The following GALNT17 variants were observed in gnomAD, a reference collection of about 807,000 sequenced individuals.
The protein encoded by GALNT17 is UDP-GalNAc:polypeptide N-acetylgalactosaminyltransferase-like 3.
In GALNT17, 29 loss-of-function variants were observed where a neutral mutation model predicts 63.7. The observed-to-expected ratio is 0.46, with a 90% CI of 0.34 to 0.62. GALNT17 has a LOEUF of 0.62. Among genes scored for constraint, GALNT17 ranks in the 20% least tolerant of loss-of-function variants. The pLI, the probability that GALNT17 is intolerant of heterozygous loss-of-function variation, is 0.01. For synonymous variants in GALNT17, 305 were observed against 318.3 expected, an observed-to-expected ratio of 0.96 and a Z score of 0.45; for missense variants, 603 against 799.6, an observed-to-expected ratio of 0.75 and a Z score of 2.97.
chr7:71,467,920 G>A lies in GALNT17; in HGVS notation c.962+46815G>A, dbSNP rs571955462. On this transcript the variant is annotated intron_variant, in intron 5 of 10. Coordinates refer to ENST00000333538, the MANE Select transcript of GALNT17 (RefSeq NM_022479.3). ...TCTCCATAGACTGCCAAAATTACAC[G>A]GGCATCCTGGGTGAGAACCTCTACA... is the stretch of plus-strand genomic sequence containing the variant. Among the ~76,000 whole-genome samples, 25 of 152,222 alleles carry A rather than the reference G, an allele frequency of 1.6e-4. No homozygotes were observed. In the South Asian group the frequency reaches 3.5e-3, roughly 21 times the overall value.
At chr7:71,543,874 C>A (rs1788935283) in intron 5 of GALNT17, among the ~76,000 whole-genome samples, 1 of 150,948 alleles carries the variant, frequency 6.6e-6, no homozygotes, top group Admixed American at 6.6e-5. Flanking sequence ...CTCACTGCAG[C>A]CTCTGCCTCA....
chr7:71,612,750 A>G (rs1486731722), intron 6 of GALNT17, among the ~76,000 whole-genome samples: 1 of 152,146 alleles, frequency 6.6e-6, no homozygotes, highest in African/African-American at 2.4e-5. Context: ...AAACACTAGA[A>G]ATTTCCTTTG....
intron 6 of GALNT17, among the ~76,000 whole-genome samples, chr7:71,589,536 C>T (rs1437942957): frequency 6.6e-6 from 1 of 151,586 alleles, no homozygotes; most frequent in African/African-American, 2.4e-5. Flanking sequence ...CATAACACTA[C>T]ACTCCAGCTT....
At chr7:71,630,835 C>T (rs1156577847) in intron 6 of GALNT17, among the ~76,000 whole-genome samples, 3 of 152,188 alleles carry the variant, frequency 2.0e-5, no homozygotes, top group Non-Finnish European at 4.4e-5. Context: ...GGGAGAAGTG[C>T]CATTTCAGAT....
intron 6 of GALNT17, among the ~76,000 whole-genome samples, chr7:71,603,028 T>A (rs1279965710): frequency 6.6e-6 from 1 of 152,168 alleles, no homozygotes; most frequent in Non-Finnish European, 1.5e-5. Flanking sequence ...GCTAAGTGCA[T>A]ATACCAGTTA....
intron 2 of GALNT17, among the ~76,000 whole-genome samples, chr7:71,347,096 G>A (rs1356743288): frequency 6.6e-6 from 1 of 152,162 alleles, no homozygotes; most frequent in Non-Finnish European, 1.5e-5. Flanking sequence ...GTTGAGGGGT[G>A]CCCTTTCCTT....
chr7:71,427,274 T>G (rs2116474043), intron 5 of GALNT17, among the ~76,000 whole-genome samples: 1 of 151,676 alleles, frequency 6.6e-6, no homozygotes. Context: ...TTTTTTGTAT[T>G]TTTAGTAGAG....
At chr7:71,199,210 C>T (rs1405928511) in intron 1 of GALNT17, among the ~76,000 whole-genome samples, 1 of 152,026 alleles carries the variant, frequency 6.6e-6, no homozygotes, top group Non-Finnish European at 1.5e-5. Context: ...GGCAAGGAGC[C>T]CTGAAATTCT....
chr7:71,422,136 G>A (rs1583938615), intron 5 of GALNT17, among the ~76,000 whole-genome samples: 1 of 152,196 alleles, frequency 6.6e-6, no homozygotes, highest in South Asian at 2.1e-4. Flanking sequence ...TGAAGAAGGG[G>A]TTGGGTCAGG....
At chr7:71,300,598 G>T in intron 1 of GALNT17, 1 of 315,486 alleles carries the variant, frequency 3.2e-6, no homozygotes, top group Non-Finnish European at 6.4e-6. Flanking sequence ...ATGCATGCGC[G>T]TGCACATACA....
chr7:71,580,050 G>A (rs756677992), intron 6 of GALNT17, among the ~76,000 whole-genome samples: 1 of 150,158 alleles, frequency 6.7e-6, no homozygotes, highest in Non-Finnish European at 1.5e-5. Context: ...AGATAGAGAT[G>A]ATGGATAGAA....
chr7:71,177,396 A>G (rs952574401), intron 1 of GALNT17, among the ~76,000 whole-genome samples: 2 of 152,140 alleles, frequency 1.3e-5, no homozygotes, highest in South Asian at 2.1e-4. Flanking sequence ...CTGATTTAGT[A>G]CCATTTTCCC....
chr7:71,680,439 T>C (rs1226270388), intron 9 of GALNT17, among the ~76,000 whole-genome samples: 2 of 49,028 alleles, frequency 4.1e-5, no homozygotes, highest in Admixed American at 3.1e-4. Context: ...TCCCTCCCTC[T>C]CTCCCTTCCT....
At chr7:71,194,986 C>T (rs949455008) in intron 1 of GALNT17, among the ~76,000 whole-genome samples, 3 of 152,162 alleles carry the variant, frequency 2.0e-5, no homozygotes, top group East Asian at 3.9e-4. Context: ...TGTAGAAATA[C>T]GTCTGCCTAG....
intron 2 of GALNT17, among the ~76,000 whole-genome samples, chr7:71,336,465 T>C (rs191875977): frequency 3.1e-4 from 47 of 152,270 alleles, no homozygotes; most frequent in Non-Finnish European, 2.5e-4. Context: ...GATAACACCA[T>C]AGATAGTTTC....
chr7:71,322,630 A>G (rs1189830483), intron 1 of GALNT17, among the ~76,000 whole-genome samples: 1 of 152,168 alleles, frequency 6.6e-6, no homozygotes, highest in African/African-American at 2.4e-5. Context: ...GCTGAAATTC[A>G]TATTTTGAAG....
chr7:71,143,904 G>A (rs545107515), intron 1 of GALNT17, among the ~76,000 whole-genome samples: 1 of 152,034 alleles, frequency 6.6e-6, no homozygotes, highest in East Asian at 1.9e-4. Context: ...GTGCAGCAGT[G>A]GGTATAGAGA....
intron 5 of GALNT17, among the ~76,000 whole-genome samples, chr7:71,494,195 G>A (rs148792528): frequency 8.2e-4 from 125 of 152,178 alleles, no homozygotes; most frequent in Non-Finnish European, 1.3e-3. Context: ...AGGAGAAACT[G>A]TCAAACTCTT....
intron 1 of GALNT17, among the ~76,000 whole-genome samples, chr7:71,165,828 T>G (rs984506037): frequency 1.2e-4 from 19 of 152,200 alleles, no homozygotes; most frequent in African/African-American, 4.6e-4. Flanking sequence ...CAGGTCAAGC[T>G]AGTTCCTTAG....
Sources: allele counts gnomAD v4.1 joint callset (sites outside exome capture counted in the v4.1 genomes callset), GRCh38; gene constraint gnomAD v4.1.1; transcripts MANE v1.5; gene names NCBI Gene and HGNC (gene_info 2026-07-23, HGNC 2026-07-21).